Variants in WDR35 observed in about 807,000 individuals in gnomAD.
WDR35 encodes WD repeat-containing protein 35.
In WDR35, 118 loss-of-function variants were observed where a neutral mutation model predicts 158.3. The ratio of observed to expected loss-of-function variants is 0.75; its 90% CI spans 0.64 to 0.87. WDR35 has a LOEUF of 0.87. Among genes scored for constraint, WDR35 ranks in the 40% least tolerant of loss-of-function variants. The pLI is 0.00. For missense variants in WDR35, 1,263 were observed against 1,405.8 expected (o/e 0.90, Z 1.62); for synonymous variants, 448 against 476.1 (o/e 0.94, Z 0.77).
intron 1 of WDR35, 98 bp downstream of exon 1, chr2:19,989,894 G>A (rs1429609114): frequency 6.4e-7 from 1 of 1,569,006 alleles, no homozygotes; most frequent in African/African-American, 1.4e-5. Flanking sequence ...GCCACGACCA[G>A]GACCGGGTGA....
At chr2:19,948,031 G>T (rs185589551) in intron 14 of WDR35, 133 bp downstream of exon 14, 70 of 668,376 alleles carry the variant, frequency 1.0e-4, no homozygotes, top group Admixed American at 1.5e-4. Context: ...TCCATTTCCT[G>T]GCCTCAAGCA....
At chr2:19,947,777 T>G (rs983902258) in intron 14 of WDR35, among the ~76,000 whole-genome samples, 2 of 152,060 alleles carry the variant, frequency 1.3e-5, no homozygotes, top group Non-Finnish European at 2.9e-5. Context: ...CTCATTCCAC[T>G]CAGTGTTAGA....
In WDR35 at chr2:19,913,508, A is replaced by G. The variant is rs1361779176; in HGVS notation, c.*50T>C. ...CTTATTACATATACAGCATATAGCC[A>G]TGTATATATGCTACATATATTTTAC... is the stretch of plus-strand genomic sequence containing the variant. On this transcript the variant is annotated 3_prime_UTR_variant, in exon 27 of 27. Coordinates refer to ENST00000281405, the MANE Select transcript of WDR35 (RefSeq NM_020779.4). The G allele has an allele frequency of 1.9e-6, 3 of 1,598,954 alleles. No homozygotes were observed. The highest frequency in any genetic ancestry group is 1.1e-5 in the South Asian group (1 of 90,730).
Position 19,933,275 on chromosome 2 carries a change from C to A in WDR35, c.2658+126G>T. The A allele has an allele frequency of 3.8e-6, 3 of 785,576 alleles. No individual in the cohort carries two copies. The South Asian group carries it at 4.5e-5, about 12-fold the overall frequency. 48.7% of individuals were successfully genotyped at this position (785,576 alleles called of 1,614,324 possible). On this transcript the variant is annotated intron_variant, in intron 22 of 26. Coordinates refer to ENST00000281405, the MANE Select transcript of WDR35 (RefSeq NM_020779.4). Reference sequence around the variant, plus strand: ...CGCCTGGCTCCTTTCATAAAATTCACGTCAGGCTCTCCAACCCTTACATTG... The same window carrying A: ...CGCCTGGCTCCTTTCATAAAATTCAAGTCAGGCTCTCCAACCCTTACATTG...
intron 11 of WDR35, among the ~76,000 whole-genome samples, chr2:19,954,926 T>C (rs1671375108): frequency 6.6e-6 from 1 of 152,036 alleles, no homozygotes; most frequent in Non-Finnish European, 1.5e-5. Flanking sequence ...AATGAATAAA[T>C]AAAATCCCAG....
At chr2:19,944,466 AT>A in intron 16 of WDR35, among the ~76,000 whole-genome samples, 1 of 152,120 alleles carries the variant, frequency 6.6e-6, no homozygotes, top group East Asian at 1.9e-4. Context: ...GTGATTTAGT[AT>A]GAGCAGGGCT....
chr2:19,950,994 T>C (rs1671217226), intron 13 of WDR35, among the ~76,000 whole-genome samples: 1 of 152,182 alleles, frequency 6.6e-6, no homozygotes. Context: ...GCAAATTATA[T>C]TAGTTTGTAA....
chr2:19,945,878 C>T lies in WDR35; in HGVS notation c.1753G>A (p.Val585Ile), dbSNP rs748998292. 6.2e-7 allele frequency: 1 copy of T among 1,614,038 alleles called. No individual in the cohort carries two copies. Among genetic ancestry groups the T allele is most frequent in the Non-Finnish European group, 8.5e-7 (1 of 1,179,884 alleles). Residue 585 changes from valine (V) to isoleucine (I), a missense_variant, in exon 16 of 27, where the codon GTC (valine) becomes ATC (isoleucine). Physicochemically the swap from Val to Ile is conservative, Grantham distance 29 (BLOSUM62 3). Coordinates refer to ENST00000281405, the MANE Select transcript of WDR35 (RefSeq NM_020779.4). Reference sequence around the variant, plus strand: ...TCTTTGGCCCACTTCATATCCCAGACATCTCTTCGTTCCAATTTTAACAAC... The same window carrying T: ...TCTTTGGCCCACTTCATATCCCAGATATCTCTTCGTTCCAATTTTAACAAC... ...GELLKLERRD[V>I]WDMKWAKDNP...
chr2:19,976,205 C>A (rs1320603656), intron 5 of WDR35, among the ~76,000 whole-genome samples: 1 of 152,168 alleles, frequency 6.6e-6, no homozygotes, highest in Non-Finnish European at 1.5e-5. Flanking sequence ...TGGATTTAAA[C>A]ACATGCAGAT....
intron 25 of WDR35, among the ~76,000 whole-genome samples, chr2:19,926,189 A>G (rs1397344247): frequency 6.6e-6 from 1 of 152,246 alleles, no homozygotes; most frequent in East Asian, 1.9e-4. Flanking sequence ...TCCTGCTATA[A>G]TTCCAAAAAA....
intron 25 of WDR35, among the ~76,000 whole-genome samples, chr2:19,928,473 C>T (rs569635954): frequency 2.6e-5 from 4 of 152,238 alleles, no homozygotes; most frequent in South Asian, 2.1e-4. Flanking sequence ...CCTCTAGCGC[C>T]GCTTGGTTAG....
intron 10 of WDR35, among the ~76,000 whole-genome samples, chr2:19,965,533 A>T (rs1671822048): frequency 6.6e-6 from 1 of 152,156 alleles, no homozygotes; most frequent in Non-Finnish European, 1.5e-5. Flanking sequence ...TCCCACCTCA[A>T]AGCTCAATGC....
At chr2:19,979,396 T>C (rs953648784) in intron 4 of WDR35, among the ~76,000 whole-genome samples, 1 of 152,134 alleles carries the variant, frequency 6.6e-6, no homozygotes, top group Non-Finnish European at 1.5e-5. Flanking sequence ...ATACACAGCA[T>C]ATTAGGTAAA....
Position 19,911,877 on chromosome 2 carries a change from T to C in WDR35, c.*1681A>G, listed in dbSNP as rs188310451. The C allele has an allele frequency of 1.5e-3, 227 of 152,292 alleles. No individual in the cohort carries two copies. Among genetic ancestry groups the C allele is most frequent in the African/African-American group, 5.3e-3 (219 of 41,566 alleles). 9.4% of individuals were successfully genotyped at this position (152,292 alleles called of 1,614,324 possible). A position where few individuals can be genotyped will look rare whatever the true frequency, so the allele number is the denominator to read the frequency against. On this transcript the variant is annotated 3_prime_UTR_variant, in exon 27 of 27. Coordinates refer to ENST00000281405, the MANE Select transcript of WDR35 (RefSeq NM_020779.4). ...GCCTGTCCTTACCCAAGAAATACAA[T>C]AAAATTCATGACTGCTCAGCAGACT...
chr2:19,926,133 A>G (rs1053009402), intron 25 of WDR35, among the ~76,000 whole-genome samples: 3 of 152,158 alleles, frequency 2.0e-5, no homozygotes, highest in Admixed American at 6.5e-5. Context: ...AGAGCCATCA[A>G]TTCAGTTATA....
intron 13 of WDR35, among the ~76,000 whole-genome samples, chr2:19,948,932 G>A (rs558958134): frequency 1.2e-3 from 188 of 151,434 alleles, no homozygotes; most frequent in African/African-American, 4.4e-3. Flanking sequence ...AAAAGAAAAT[G>A]AAGAAAAAAG....
In WDR35 at chr2:19,978,804, T is replaced by C; in HGVS notation, c.383A>G (p.Gln128Arg). 2.5e-6 allele frequency: 4 copies of C among 1,613,954 alleles called. No individual in the cohort carries two copies. Among genetic ancestry groups the C allele is most frequent in the South Asian group, 1.1e-5 (1 of 91,082 alleles). ...VRSMSWNADG[Q>R]KICIVYEDGA... The stretch of plus-strand genomic sequence containing the variant: ...ATCTTCATATACAATGCAGATCTTC[T>C]GTCCGTCAGCATTCCAGCTCATACT... Residue 128 changes from glutamine to arginine, a missense_variant, in exon 5 of 27, where the codon CAG becomes CGG. Physicochemically the swap from Gln to Arg is conservative, Grantham distance 43. Transcript: ENST00000281405.
intron 25 of WDR35, among the ~76,000 whole-genome samples, chr2:19,916,274 C>T (rs1669988958): frequency 6.6e-6 from 1 of 152,232 alleles, no homozygotes; most frequent in Non-Finnish European, 1.5e-5. Flanking sequence ...CTGCCCACGC[C>T]ACCGGGGCCC....
intron 17 of WDR35, among the ~76,000 whole-genome samples, chr2:19,940,105 C>G (rs1487309517): frequency 6.8e-6 from 1 of 146,814 alleles, no homozygotes; most frequent in Non-Finnish European, 1.5e-5. Context: ...GTAATCCTAA[C>G]ATTTTGGGAG....
Sources: gnomAD v4.1 joint callset for allele counts (sites outside exome capture counted in the v4.1 genomes callset) on GRCh38, gnomAD v4.1.1 for gene constraint, MANE v1.5 for transcripts, NCBI Gene and HGNC (gene_info 2026-07-23, HGNC 2026-07-21) for gene names.